The following ADAMTS18 variants were observed in gnomAD, a reference collection of about 807,000 sequenced individuals.
ADAMTS18 encodes ADAM metallopeptidase with thrombospondin type 1 motif 18.
In ADAMTS18, 157 loss-of-function variants were observed where a neutral mutation model predicts 165.9. That is an observed-to-expected ratio of 0.95 (90% CI 0.83 to 1.08). ADAMTS18 has a LOEUF of 1.08. Among genes scored for constraint, ADAMTS18 ranks in the 50% least tolerant of loss-of-function variants. The pLI is 0.00. For synonymous variants in ADAMTS18, 782 were observed against 578.2 expected, an observed-to-expected ratio of 1.35 and a Z score of -5.06; for missense variants, 2,040 against 1,534.0, an observed-to-expected ratio of 1.33 and a Z score of -5.51.
chr16:77,291,628 GA>G, intron 20 of ADAMTS18, 150 bp from the exon 21 acceptor site: 3 of 856,564 alleles, frequency 3.5e-6, no homozygotes, highest in Non-Finnish European at 5.9e-6. Flanking sequence ...GGATCTTACA[GA>G]TACAGCAGCC....
chr16:77,399,326 A>T (rs559556558), intron 3 of ADAMTS18, among the ~76,000 whole-genome samples: 1 of 152,316 alleles, frequency 6.6e-6, no homozygotes, highest in South Asian at 2.1e-4. Context: ...AGAGAGATGG[A>T]GAGACACCAA....
At chr16:77,303,903 A>C (rs2055634613) in intron 16 of ADAMTS18, among the ~76,000 whole-genome samples, 1 of 152,102 alleles carries the variant, frequency 6.6e-6, no homozygotes, top group South Asian at 2.1e-4. Flanking sequence ...GGTGGTGGGC[A>C]CCTGTAGTCC....
chr16:77,418,448 G>A (rs2057558040), intron 3 of ADAMTS18, among the ~76,000 whole-genome samples: 2 of 152,070 alleles, frequency 1.3e-5, no homozygotes, highest in Admixed American at 6.6e-5. Flanking sequence ...GGTTGCTACT[G>A]GAATCTAAAG....
intron 3 of ADAMTS18, among the ~76,000 whole-genome samples, chr16:77,402,486 A>G (rs1034861013): frequency 2.0e-5 from 3 of 152,192 alleles, no homozygotes; most frequent in African/African-American, 7.2e-5. Flanking sequence ...GGCCTGGAGC[A>G]TTTGAGGTTG....
intron 10 of ADAMTS18, 60 bp from the exon 11 acceptor site, chr16:77,341,859 T>C: frequency 8.3e-7 from 1 of 1,201,100 alleles, no homozygotes; most frequent in South Asian, 1.3e-5. Context: ...ACAAAAATAT[T>C]CAAAGATGTT....
intron 22 of ADAMTS18, among the ~76,000 whole-genome samples, chr16:77,285,427 C>A (rs2055230249): frequency 6.6e-6 from 1 of 150,776 alleles, no homozygotes; most frequent in South Asian, 2.1e-4. Context: ...TCTGCCTCAG[C>A]CTCCCAAAGT....
intron 3 of ADAMTS18, among the ~76,000 whole-genome samples, chr16:77,418,148 C>T (rs1468092533): frequency 1.3e-5 from 2 of 152,104 alleles, no homozygotes; most frequent in African/African-American, 4.8e-5. Flanking sequence ...TTAAAACATT[C>T]CCAGATGGGT....
intron 12 of ADAMTS18, among the ~76,000 whole-genome samples, chr16:77,331,818 C>G (rs1329284893): frequency 6.6e-6 from 1 of 152,154 alleles, no homozygotes; most frequent in Non-Finnish European, 1.5e-5. Flanking sequence ...CTATTTTAGC[C>G]TGCGATATTC....
At chr16:77,323,791 C>T (rs758724535) in intron 13 of ADAMTS18, among the ~76,000 whole-genome samples, 5 of 152,240 alleles carry the variant, frequency 3.3e-5, no homozygotes, top group East Asian at 1.9e-4. Context: ...AAAGCCTTAA[C>T]GTTTCTGTCT....
At chr16:77,407,324 G>A (rs997786904) in intron 3 of ADAMTS18, among the ~76,000 whole-genome samples, 33 of 151,940 alleles carry the variant, frequency 2.2e-4, no homozygotes, top group Non-Finnish European at 4.3e-4. Context: ...AAACACCACT[G>A]AAAAGAATTT....
chr16:77,342,149 G>A (rs973240782), intron 10 of ADAMTS18, among the ~76,000 whole-genome samples: 29 of 152,078 alleles, frequency 1.9e-4, no homozygotes, highest in African/African-American at 6.8e-4. Flanking sequence ...AAAGCAAGTC[G>A]GATTCAAGTC....
chr16:77,287,061 A>C (rs7186860), intron 22 of ADAMTS18, among the ~76,000 whole-genome samples: 142,473 of 152,054 alleles, frequency 0.94, 67,263 homozygotes, highest in Non-Finnish European at 0.99. Flanking sequence ...AGGAGGATGC[A>C]GCCATGGGCA....
chr16:77,295,121 C>T lies in ADAMTS18; in HGVS notation c.2808G>A (p.Met936Ile), dbSNP rs146373781. Residue 936 changes from methionine (M) to isoleucine (I), a missense_variant, in exon 19 of 23, where the codon ATG becomes ATA. Coordinates refer to ENST00000282849, the MANE Select transcript of ADAMTS18 (RefSeq NM_199355.4). ...TGCTGCATGTACTCCATTCACCTGGCATCCAGCTTTCAGTGCAAAACAAAC... is the reference window on the plus strand; with the variant it reads ...TGCTGCATGTACTCCATTCACCTGGTATCCAGCTTTCAGTGCAAAACAAAC... The part of the protein sequence containing the change: ...CNAFSCPAYW[M>I]PGEWSTCSKA... 25 of 1,614,046 alleles carry T rather than the reference C, an allele frequency of 1.5e-5. No homozygotes were observed. The highest frequency in any genetic ancestry group is 1.7e-6 in the Non-Finnish European group (2 of 1,180,020).
rs34453966 is a variant in ADAMTS18 at position 77,411,677 on chromosome 16, A to ATTTTTTTTTT, written c.495+19608_495+19617dup. On this transcript the variant is annotated intron_variant, in intron 3 of 22. Transcript: ENST00000282849. ...CTTGATGGACCACAGAGTATCCAGA[A>ATTTTTTTTTT]TTTTTTTTTTTTTTTTTTTTTTTTT... Among the ~76,000 whole-genome samples the ATTTTTTTTTT allele has an allele frequency of 1.9e-4, 14 of 73,860 alleles. 3 individuals carry two copies. The highest frequency in any genetic ancestry group is 6.9e-4 in the African/African-American group (13 of 18,744). The allele number at this position is 73,860 out of a possible 152,430, so 48.5% of individuals were successfully genotyped here.
intron 16 of ADAMTS18, among the ~76,000 whole-genome samples, chr16:77,303,188 C>T (rs538133665): frequency 2.0e-5 from 3 of 152,260 alleles, no homozygotes; most frequent in African/African-American, 4.8e-5. Context: ...CCGTAGTTGC[C>T]CCACGTATGG....
chr16:77,384,209 G>A (rs777082854), intron 3 of ADAMTS18, among the ~76,000 whole-genome samples: 2 of 152,114 alleles, frequency 1.3e-5, no homozygotes, highest in Non-Finnish European at 2.9e-5. Flanking sequence ...AGACTTCAAC[G>A]TCTACATTTA....
intron 3 of ADAMTS18, among the ~76,000 whole-genome samples, chr16:77,378,014 A>T (rs2056976835): frequency 6.6e-6 from 1 of 152,204 alleles, no homozygotes; most frequent in African/African-American, 2.4e-5. Context: ...CCATTGGTAA[A>T]AGGATGTTTA....
At chr16:77,422,115 G>T (rs146539938) in intron 3 of ADAMTS18, among the ~76,000 whole-genome samples, 34 of 152,074 alleles carry the variant, frequency 2.2e-4, no homozygotes, top group African/African-American at 8.0e-4. Context: ...GCTATGCATC[G>T]TTCCAGACCT....
intron 16 of ADAMTS18, among the ~76,000 whole-genome samples, chr16:77,301,145 A>G (rs912636573): frequency 2.6e-5 from 4 of 152,238 alleles, no homozygotes; most frequent in East Asian, 1.9e-4. Context: ...CTGATCCCAT[A>G]AAGTCTGACT....
Sources: allele counts gnomAD v4.1 joint callset (sites outside exome capture counted in the v4.1 genomes callset), GRCh38; gene constraint gnomAD v4.1.1; transcripts MANE v1.5; gene names NCBI Gene and HGNC (gene_info 2026-07-23, HGNC 2026-07-21).